The following ACSL3 variants were observed in gnomAD, a reference collection of about 807,000 sequenced individuals.
ACSL3 encodes acyl-CoA synthetase long chain family member 3, also known as fatty acid CoA ligase Acsl3.
In ACSL3, 34 loss-of-function variants were observed where a neutral mutation model predicts 84.7. That is an observed-to-expected ratio of 0.40 (90% CI 0.31 to 0.53). The LOEUF (loss-of-function observed/expected upper bound fraction) is 0.53, where lower values mean the gene tolerates loss of function less well. ACSL3 is among the 20% of genes least tolerant of loss of function. ACSL3 has a pLI of 0.48. For missense variants in ACSL3, 680 were observed against 873.1 expected, an observed-to-expected ratio of 0.78 and a Z score of 2.79; for synonymous variants, 315 against 299.4, an observed-to-expected ratio of 1.05 and a Z score of -0.54.
chr2:222,924,429 A>G (rs962945443), intron 10 of ACSL3, 27 bp from the exon 11 acceptor site: 10 of 1,558,962 alleles, frequency 6.4e-6, no homozygotes, highest in African/African-American at 2.8e-5. Context: ...ATTATTAACT[A>G]TGTTAAACTC....
chr2:222,930,189 CAA>C (rs1427134214), intron 13 of ACSL3, among the ~76,000 whole-genome samples: 2 of 152,112 alleles, frequency 1.3e-5, no homozygotes, highest in African/African-American at 4.8e-5. Flanking sequence ...CTTGGCCTCC[CAA>C]AGTGTTGTGA....
chr2:222,864,759 G>T (rs987373051), intron 1 of ACSL3, among the ~76,000 whole-genome samples: 2 of 152,130 alleles, frequency 1.3e-5, no homozygotes, highest in African/African-American at 4.8e-5. Context: ...AAAAGGGTTT[G>T]TGCAGAGTTC....
At chr2:222,923,002 C>G in intron 9 of ACSL3, 76 bp from the exon 10 acceptor site, 1 of 1,365,146 alleles carries the variant, frequency 7.3e-7, no homozygotes, top group Non-Finnish European at 1.0e-6. Flanking sequence ...TTATAATAGG[C>G]TTTTTGATCT....
chr2:222,936,472 G>A (rs1233595702), intron 16 of ACSL3, among the ~76,000 whole-genome samples: 1 of 151,966 alleles, frequency 6.6e-6, no homozygotes, highest in East Asian at 1.9e-4. Context: ...ATATCTCATT[G>A]TGGTTTTGAT....
At chr2:222,887,338 T>G (rs182658482) in intron 1 of ACSL3, among the ~76,000 whole-genome samples, 1 of 152,340 alleles carries the variant, frequency 6.6e-6, no homozygotes, top group East Asian at 1.9e-4. Flanking sequence ...TTGAAAGATA[T>G]GTTGATTGCT....
chr2:222,919,089 T>C lies in ACSL3; in HGVS notation c.692T>C (p.Leu231Pro), dbSNP rs750655474. 3 of 1,614,078 alleles carry C rather than the reference T, an allele frequency of 1.9e-6. No individual in the cohort carries two copies. The highest frequency in any genetic ancestry group is 1.6e-4 in the Middle Eastern group (1 of 6,062). The stretch of plus-strand genomic sequence containing the variant: ...GATATAGTTTCTTTGGTCCCACGCC[T>C]GCGGCACATCATCACTGTTGATGGA... ...LKDIVSLVPR[L>P]RHIITVDGKP... The change falls in exon 7 of 17, where the codon CTG (leucine) becomes CCG (proline). Residue 231 changes from leucine (L) to proline (P), a missense_variant. By Grantham distance (98) the Leu-to-Pro change is moderately conservative. Around this residue, in one of 2 missense-constraint regions of ACSL3, gnomAD observed 333 missense variants for 347.5 expected, o/e 0.96. Coordinates refer to ENST00000357430, the MANE Select transcript of ACSL3 (RefSeq NM_004457.5).
In ACSL3 at chr2:222,904,197, G is replaced by T. The variant is rs372743397; in HGVS notation, c.-41+3417G>T. ...GAGGCAGGAGAATTGCTTGAACCTGGGAGGCGGAGGTTGCAGTGAGCCGAG... is the reference window on the plus strand; with the variant it reads ...GAGGCAGGAGAATTGCTTGAACCTGTGAGGCGGAGGTTGCAGTGAGCCGAG... On this transcript the variant is annotated intron_variant, in intron 3 of 16. Transcript: ENST00000357430. Among the ~76,000 whole-genome samples the T allele has an allele frequency of 2.6e-5, 4 of 152,224 alleles. No individual in the cohort carries two copies. The East Asian group carries it at 5.8e-4, about 22-fold the overall frequency.
In ACSL3 at chr2:222,918,139, TACAA is replaced by T. The variant is rs1559296218; in HGVS notation, c.656_659del (p.Thr219SerfsTer2). On this transcript the variant is annotated frameshift_variant, in exon 6 of 17. Transcript: ENST00000357430. LOFTEE classifies it high-confidence loss of function. ...AACATCATTACTAGTAAAGAACTCT[TACAA>T]ACAAAGTTGAAGGTGAGGACTCTAG... 5 of 1,609,822 alleles carry T rather than the reference TACAA, an allele frequency of 3.1e-6. No individual in the cohort carries two copies. Among genetic ancestry groups the T allele is most frequent in the African/African-American group, 1.3e-5 (1 of 74,792 alleles).
At chr2:222,884,025 C>T (rs1398698835) in intron 1 of ACSL3, among the ~76,000 whole-genome samples, 1 of 152,154 alleles carries the variant, frequency 6.6e-6, no homozygotes, top group Non-Finnish European at 1.5e-5. Context: ...TCCCACATTT[C>T]CTACATTGTC....
chr2:222,902,753 A>G (rs1696184161), intron 3 of ACSL3, among the ~76,000 whole-genome samples: 1 of 152,234 alleles, frequency 6.6e-6, no homozygotes, highest in Non-Finnish European at 1.5e-5. Flanking sequence ...GGGCCACCAC[A>G]CAGGAGCTGA....
chr2:222,941,733 C>T lies in ACSL3; in HGVS notation c.*79C>T. ...TACTTGAAATGCATGTCTCAAGCTG[C>T]AAGGCAAACTCCATTCCTCATATTA... On this transcript the variant is annotated 3_prime_UTR_variant, in exon 17 of 17. Coordinates refer to ENST00000357430, the MANE Select transcript of ACSL3 (RefSeq NM_004457.5). 1 of 1,434,516 alleles carries T rather than the reference C, an allele frequency of 7.0e-7. No individual in the cohort carries two copies. The highest frequency in any genetic ancestry group is 9.4e-7 in the Non-Finnish European group (1 of 1,063,590). 88.9% of individuals were successfully genotyped at this position (1,434,516 alleles called of 1,614,324 possible). A position where few individuals can be genotyped will look rare whatever the true frequency, so the allele number is the denominator to read the frequency against.
intron 1 of ACSL3, among the ~76,000 whole-genome samples, chr2:222,869,209 G>A (rs1695234691): frequency 6.6e-6 from 1 of 152,146 alleles, no homozygotes; most frequent in South Asian, 2.1e-4. Flanking sequence ...TGCCATCCAT[G>A]TATGTAAAGC....
Position 222,920,689 on chromosome 2 carries a change from C to G in ACSL3, c.806-591C>G, listed in dbSNP as rs77024837. ...TTTTTTTCACAGATAATAACATACT[C>G]CTGTTCAAAACAACATTGCTTTACA... is the stretch of plus-strand genomic sequence containing the variant. On this transcript the variant is annotated intron_variant, in intron 7 of 16. Transcript: ENST00000357430. 4.5e-3 allele frequency among the ~76,000 whole-genome samples: 681 copies of G among 152,264 alleles called. 7 individuals are homozygous for G. Among genetic ancestry groups the G allele is most frequent in the African/African-American group, 0.016 (647 of 41,542 alleles).
chr2:222,939,304 C>G, intron 16 of ACSL3, among the ~76,000 whole-genome samples: 1 of 152,170 alleles, frequency 6.6e-6, no homozygotes, highest in Middle Eastern at 3.2e-3. Flanking sequence ...AGCCAGCCAT[C>G]TTAAGCCTTT....
Position 222,942,082 on chromosome 2 carries a change from A to AC in ACSL3, c.*429dup, listed in dbSNP as rs1377213467. The AC allele has an allele frequency of 4.6e-6, 1 of 215,474 alleles. No individual in the cohort carries two copies. The highest frequency in any genetic ancestry group is 9.4e-6 in the Non-Finnish European group (1 of 106,642). 13.3% of individuals were successfully genotyped at this position (215,474 alleles called of 1,614,324 possible). ...TTTTTTACTTACTGTATTTAAAAAT[A>AC]CAAGGGTATTGATATGAAATTATGT... is the stretch of plus-strand genomic sequence containing the variant. On this transcript the variant is annotated 3_prime_UTR_variant, in exon 17 of 17. Coordinates refer to ENST00000357430, the MANE Select transcript of ACSL3 (RefSeq NM_004457.5).
chr2:222,871,698 G>A (rs1318095922), intron 1 of ACSL3, among the ~76,000 whole-genome samples: 2 of 152,190 alleles, frequency 1.3e-5, no homozygotes, highest in Non-Finnish European at 1.5e-5. Flanking sequence ...AGAAACATTG[G>A]TTCCTGGGAC....
chr2:222,873,527 G>C (rs1695360539), intron 1 of ACSL3, among the ~76,000 whole-genome samples: 1 of 152,130 alleles, frequency 6.6e-6, no homozygotes, highest in African/African-American at 2.4e-5. Flanking sequence ...ATGTGTGTTT[G>C]ATGAGAAAGT....
At position 222,922,190 on chromosome 2, in the gene ACSL3, A is replaced by G. The variant is rs146050297; in HGVS notation, c.957-518A>G. Among the ~76,000 whole-genome samples the G allele has an allele frequency of 6.2e-3, 951 of 152,294 alleles. 10 individuals are homozygous for G. Among genetic ancestry groups the G allele is most frequent in the African/African-American group, 0.022 (901 of 41,554 alleles). ...ACAAATACTTACACATTTTCTGTAT[A>G]TTAAGATCTAATTTATTATGTAATC... On this transcript the variant is annotated intron_variant, in intron 8 of 16. Coordinates refer to ENST00000357430, the MANE Select transcript of ACSL3 (RefSeq NM_004457.5).
chr2:222,896,538 T>C (rs1574534872), intron 2 of ACSL3, among the ~76,000 whole-genome samples: 1 of 6,422 alleles, frequency 1.6e-4, no homozygotes, highest in Non-Finnish European at 2.3e-4. Context: ...ACCCCCCACC[T>C]CCCTCCCGGA....
Sources: gnomAD v4.1 joint callset for allele counts (sites outside exome capture counted in the v4.1 genomes callset) on GRCh38, gnomAD v4.1.1 for gene constraint, gnomAD v4.1.1 regional missense constraint, MANE v1.5 for transcripts, NCBI Gene and HGNC (gene_info 2026-07-23, HGNC 2026-07-21) for gene names.